Variants in RALGPS2 observed in about 807,000 individuals in gnomAD.
RALGPS2 encodes ras-specific guanine nucleotide-releasing factor RalGPS2.
In RALGPS2, 43 loss-of-function variants were observed where a neutral mutation model predicts 86.8. That is an observed-to-expected ratio of 0.50 (90% CI 0.39 to 0.64). RALGPS2 has a LOEUF of 0.64. Among genes scored for constraint, RALGPS2 ranks in the 30% least tolerant of loss-of-function variants. The probability of loss-of-function intolerance (pLI) is 0.00; values close to 1 mark genes in which losing one functional copy is unlikely to be tolerated. For synonymous variants in RALGPS2, 243 were observed against 231.3 expected, an observed-to-expected ratio of 1.05 and a Z score of -0.46; for missense variants, 536 against 694.6, an observed-to-expected ratio of 0.77 and a Z score of 2.57.
intron 1 of RALGPS2, among the ~76,000 whole-genome samples, chr1:178,733,611 G>A (rs1160134309): frequency 6.6e-6 from 1 of 152,238 alleles, no homozygotes; most frequent in Non-Finnish European, 1.5e-5. Flanking sequence ...TACATTTCAA[G>A]TGGGTTTGAA....
intron 4 of RALGPS2, among the ~76,000 whole-genome samples, chr1:178,792,733 C>T (rs751968551): frequency 6.6e-6 from 1 of 152,192 alleles, no homozygotes; most frequent in Non-Finnish European, 1.5e-5. Flanking sequence ...ATCCCTTTCA[C>T]ACAAAACCTT....
intron 8 of RALGPS2, among the ~76,000 whole-genome samples, chr1:178,867,624 C>T (rs1454869467): frequency 3.3e-5 from 5 of 151,928 alleles, no homozygotes; most frequent in African/African-American, 9.7e-5. Flanking sequence ...CTGCCTTTTC[C>T]TGGTTTATGT....
In RALGPS2 at chr1:178,919,126, C is replaced by G. The variant is rs568641331; in HGVS notation, c.*2767C>G. The G allele has an allele frequency of 9.9e-5, 15 of 152,146 alleles. No homozygotes were observed. Among genetic ancestry groups the G allele is most frequent in the African/African-American group, 3.6e-4 (15 of 41,560 alleles). The allele number at this position is 152,146 out of a possible 1,614,324, so 9.4% of individuals were successfully genotyped here. A position where few individuals can be genotyped will look rare whatever the true frequency, so the allele number is the denominator to read the frequency against. ...TGGCCTCGTGCCCGCTCTGTTCAGG[C>G]TCTGCTTGTTTTTCAGAATATGATT... On this transcript the variant is annotated 3_prime_UTR_variant, in exon 20 of 20. Coordinates refer to ENST00000367635, the MANE Select transcript of RALGPS2 (RefSeq NM_152663.5).
At position 178,804,388 on chromosome 1, in the gene RALGPS2, T is replaced by C. The variant is rs1654634086; in HGVS notation, c.214-3657T>C. Reference sequence around the variant, plus strand: ...GTGTGCTGCACCCACTAACTCGTCATCTAGCATTAGGTATATCTCCCAATG... The same window carrying C: ...GTGTGCTGCACCCACTAACTCGTCACCTAGCATTAGGTATATCTCCCAATG... On this transcript the variant is annotated intron_variant, in intron 4 of 19. Transcript: ENST00000367635. 4.9e-5 allele frequency among the ~76,000 whole-genome samples: 7 copies of C among 142,666 alleles called. No homozygotes were observed. The South Asian group carries it at 1.4e-3, about 29-fold the overall frequency. The allele number at this position is 142,666 out of a possible 152,430, so 93.6% of individuals were successfully genotyped here.
intron 7 of RALGPS2, among the ~76,000 whole-genome samples, chr1:178,827,587 G>T (rs891992488): frequency 6.6e-6 from 1 of 151,784 alleles, no homozygotes; most frequent in East Asian, 1.9e-4. Flanking sequence ...AGTAGAGACG[G>T]GGTTTCACCA....
At chr1:178,800,718 T>C (rs1208582495) in intron 4 of RALGPS2, among the ~76,000 whole-genome samples, 4 of 152,030 alleles carry the variant, frequency 2.6e-5, no homozygotes, top group African/African-American at 9.7e-5. Context: ...TAGATGTGGG[T>C]TTTCAACTGT....
intron 1 of RALGPS2, among the ~76,000 whole-genome samples, chr1:178,768,625 T>G (rs370744940): frequency 1.3e-5 from 2 of 152,146 alleles, no homozygotes; most frequent in African/African-American, 4.8e-5. Context: ...GTGGGCTGAT[T>G]TGTGGAGTAA....
intron 1 of RALGPS2, among the ~76,000 whole-genome samples, chr1:178,727,659 C>T (rs987909839): frequency 6.6e-6 from 1 of 152,050 alleles, no homozygotes; most frequent in African/African-American, 2.4e-5. Context: ...CTTTTTATTA[C>T]GTCATTAGAG....
rs1656126430 is a variant in RALGPS2 at position 178,833,558 on chromosome 1, A to G, written c.607+8A>G. 2.0e-6 allele frequency: 3 copies of G among 1,524,110 alleles called. No homozygotes were observed. The highest frequency in any genetic ancestry group is 1.7e-6 in the Non-Finnish European group (2 of 1,148,278). The allele number at this position is 1,524,110 out of a possible 1,614,324, so 94.4% of individuals were successfully genotyped here. The stretch of plus-strand genomic sequence containing the variant: ...CTTGCATTCCCTATTTAGGTGAGTT[A>G]TGTCACTGTGTGTTTTTTGTTTCTA... On this transcript the variant is annotated splice_region_variant and intron_variant, in intron 8 of 19. Transcript: ENST00000367635.
chr1:178,846,967 A>C (rs1278455967), intron 8 of RALGPS2, among the ~76,000 whole-genome samples: 1 of 152,246 alleles, frequency 6.6e-6, no homozygotes. Flanking sequence ...GAAGAAACTG[A>C]GACAAAGGAG....
chr1:178,907,771 A>T (rs1306031245), intron 19 of RALGPS2, among the ~76,000 whole-genome samples: 1 of 152,260 alleles, frequency 6.6e-6, no homozygotes, highest in African/African-American at 2.4e-5. Flanking sequence ...ATATAAGCTT[A>T]GAAAGCTTAC....
At chr1:178,822,736 T>C (rs568258852) in intron 7 of RALGPS2, among the ~76,000 whole-genome samples, 1 of 152,318 alleles carries the variant, frequency 6.6e-6, no homozygotes, top group South Asian at 2.1e-4. Context: ...TATTGTCTTT[T>C]CTTAAAATTT....
rs943628398 is a variant in RALGPS2, at chr1:178,921,091, A to G, written c.*4732A>G. The G allele has an allele frequency of 2.0e-5, 3 of 152,048 alleles. No individual in the cohort carries two copies. The highest frequency in any genetic ancestry group is 4.4e-5 in the Non-Finnish European group (3 of 67,878). 9.4% of individuals were successfully genotyped at this position (152,048 alleles called of 1,614,324 possible). The stretch of plus-strand genomic sequence containing the variant: ...ACCTGAATCAAGATGTTCTTTTCAC[A>G]TTTTTTTAAAGGGCTAGTATGTTCC... On this transcript the variant is annotated 3_prime_UTR_variant, in exon 20 of 20. Coordinates refer to ENST00000367635, the MANE Select transcript of RALGPS2 (RefSeq NM_152663.5).
intron 8 of RALGPS2, among the ~76,000 whole-genome samples, chr1:178,844,463 G>C (rs902933360): frequency 1.3e-5 from 2 of 152,134 alleles, no homozygotes; most frequent in African/African-American, 4.8e-5. Context: ...ATAAGAAGTA[G>C]AAATGTTTTC....
At chr1:178,787,686 C>A (rs1267598646) in intron 4 of RALGPS2, among the ~76,000 whole-genome samples, 1 of 152,084 alleles carries the variant, frequency 6.6e-6, no homozygotes, top group Admixed American at 6.6e-5. Flanking sequence ...TAGAAATAAA[C>A]CTTAAAATTC....
At chr1:178,871,079 C>A (rs1658731243) in intron 8 of RALGPS2, 2 of 152,100 alleles carry the variant, frequency 1.3e-5, no homozygotes, top group Non-Finnish European at 2.9e-5. Flanking sequence ...ATATACAGTA[C>A]CCCTGAATAG....
intron 4 of RALGPS2, among the ~76,000 whole-genome samples, chr1:178,791,888 G>A (rs1396166080): frequency 2.0e-5 from 3 of 151,898 alleles, no homozygotes; most frequent in East Asian, 1.9e-4. Flanking sequence ...ATTGCTCGGG[G>A]GAAAAAAAGA....
intron 18 of RALGPS2, among the ~76,000 whole-genome samples, chr1:178,904,650 C>A (rs187390875): frequency 2.0e-5 from 3 of 152,176 alleles, no homozygotes; most frequent in Admixed American, 2.0e-4. Flanking sequence ...TGTTAAAGAT[C>A]AGTTGGCTGT....
chr1:178,878,438 AG>A (rs1659090152), intron 9 of RALGPS2, among the ~76,000 whole-genome samples: 1 of 152,176 alleles, frequency 6.6e-6, no homozygotes, highest in Non-Finnish European at 1.5e-5. Context: ...TCTTACTGAA[AG>A]TTAAATCAAA....
Sources: allele counts gnomAD v4.1 joint callset (sites outside exome capture counted in the v4.1 genomes callset), GRCh38; gene constraint gnomAD v4.1.1; transcripts MANE v1.5; gene names NCBI Gene and HGNC (gene_info 2026-07-23, HGNC 2026-07-21).